GFOD1: variants seen among roughly 807,000 people sequenced by gnomAD.
GFOD1 encodes the protein glucose-fructose oxidoreductase domain-containing protein 1.
In GFOD1, 9 loss-of-function variants were observed where a neutral mutation model predicts 25.4. The observed-to-expected ratio is 0.35, with a 90% CI of 0.21 to 0.62. The LOEUF (loss-of-function observed/expected upper bound fraction) is 0.62, where lower values mean the gene tolerates loss of function less well. GFOD1 is among the 20% of genes least tolerant of loss of function. The probability of loss-of-function intolerance (pLI) is 0.72; values close to 1 mark genes in which losing one functional copy is unlikely to be tolerated. For missense variants in GFOD1, 403 were observed against 556.9 expected (o/e 0.72, Z 2.78); for synonymous variants, 253 against 245.6 (o/e 1.03, Z -0.28).
At chr6:13,391,511 C>CAAAAAAAA (rs57340590) in intron 1 of GFOD1, among the ~76,000 whole-genome samples, 243 of 108,166 alleles carry the variant, frequency 2.2e-3, no homozygotes, top group African/African-American at 3.6e-3. Flanking sequence ...AACAAACAAA[C>CAAAAAAAA]AAAAAAAAAA....
At chr6:13,403,228 T>C (rs495891) in intron 1 of GFOD1, among the ~76,000 whole-genome samples, 143,791 of 151,926 alleles carry the variant, frequency 0.95, 68,576 homozygotes, top group East Asian at 1. Flanking sequence ...TGGGTTCAAG[T>C]GATTCTCCCG....
intron 1 of GFOD1, among the ~76,000 whole-genome samples, chr6:13,372,120 T>C (rs543684160): frequency 6.6e-6 from 1 of 152,342 alleles, no homozygotes; most frequent in East Asian, 1.9e-4. Flanking sequence ...CGAAGCTATC[T>C]GTCTTTAAAA....
intron 1 of GFOD1, among the ~76,000 whole-genome samples, chr6:13,446,097 G>T (rs1051799189): frequency 6.6e-6 from 1 of 152,212 alleles, no homozygotes; most frequent in Non-Finnish European, 1.5e-5. Flanking sequence ...GCTGGAGTCT[G>T]AACCAATTGT....
Position 13,365,685 on chromosome 6 carries a change from G to T in GFOD1, c.254-23C>A, listed in dbSNP as rs113762978. 7.6e-3 allele frequency: 11,670 copies of T among 1,535,162 alleles called. 682 individuals are homozygous for T. The African/African-American group carries it at 0.13, about 17-fold the overall frequency. Reference sequence around the variant, plus strand: ...TGCCTGCGGGTGGGAGGAAGACAGCGGTCAGCGGGGCAGGACCATGTCCGA... The same window carrying T: ...TGCCTGCGGGTGGGAGGAAGACAGCTGTCAGCGGGGCAGGACCATGTCCGA... On this transcript the variant is annotated intron_variant, in intron 1 of 1. Coordinates refer to ENST00000379287, the MANE Select transcript of GFOD1 (RefSeq NM_018988.4). The surrounding 1 kb of genome is among the most constrained non-coding windows in gnomAD (Gnocchi z 9.2).
intron 1 of GFOD1, among the ~76,000 whole-genome samples, chr6:13,392,393 C>T (rs1384261382): frequency 2.7e-5 from 4 of 149,676 alleles, no homozygotes; most frequent in East Asian, 2.0e-4. Context: ...TCTGTTTCCT[C>T]TGGTCAGTGT....
At chr6:13,447,623 A>C (rs138640685) in intron 1 of GFOD1, among the ~76,000 whole-genome samples, 7,135 of 151,154 alleles carry the variant, frequency 0.047, 506 homozygotes, top group African/African-American at 0.16. Flanking sequence ...CACCTGTAAT[A>C]CCAGCTACTT....
intron 1 of GFOD1, among the ~76,000 whole-genome samples, chr6:13,392,946 C>T (rs369006636): frequency 2.0e-4 from 30 of 151,964 alleles, no homozygotes; most frequent in African/African-American, 5.8e-4. Flanking sequence ...CCTGTAACCC[C>T]AGCCACTTGG....
intron 1 of GFOD1, among the ~76,000 whole-genome samples, chr6:13,372,519 T>C (rs1384118107): frequency 1.6e-4 from 25 of 152,164 alleles, no homozygotes; most frequent in Admixed American, 1.5e-3. Context: ...TGCTCCTATC[T>C]CAGGACAGAT....
At chr6:13,377,548 C>G (rs1785278912) in intron 1 of GFOD1, among the ~76,000 whole-genome samples, 1 of 152,166 alleles carries the variant, frequency 6.6e-6, no homozygotes, top group African/African-American at 2.4e-5. Context: ...TTGGATGCTT[C>G]TCATGCTTGG....
chr6:13,392,614 G>C (rs1461171134), intron 1 of GFOD1, among the ~76,000 whole-genome samples: 3 of 152,278 alleles, frequency 2.0e-5, no homozygotes, highest in Admixed American at 6.5e-5. Flanking sequence ...CCCTGATGGA[G>C]AGAGAGCCTG....
At chr6:13,474,805 C>T (rs979478701) in intron 1 of GFOD1, among the ~76,000 whole-genome samples, 2 of 152,204 alleles carry the variant, frequency 1.3e-5, no homozygotes, top group African/African-American at 4.8e-5. Context: ...CTTGGAAATG[C>T]CCCTGGCAGA....
chr6:13,448,596 T>C (rs1758044802), intron 1 of GFOD1, among the ~76,000 whole-genome samples: 2 of 152,144 alleles, frequency 1.3e-5, no homozygotes, highest in Admixed American at 6.6e-5. Flanking sequence ...GAATAGAAAA[T>C]GGAAGTTTCC....
intron 1 of GFOD1, among the ~76,000 whole-genome samples, chr6:13,466,596 A>G (rs959317128): frequency 1.3e-5 from 2 of 152,104 alleles, no homozygotes; most frequent in African/African-American, 4.8e-5. Flanking sequence ...TCCATGATAC[A>G]ATTTCTGACC....
At chr6:13,473,496 A>G (rs1758551564) in intron 1 of GFOD1, among the ~76,000 whole-genome samples, 1 of 152,224 alleles carries the variant, frequency 6.6e-6, no homozygotes, top group Admixed American at 6.5e-5. Flanking sequence ...CTGACCCCAG[A>G]GCTCTGTCAT....
rs1421319342 is a variant in GFOD1 at position 13,470,135 on chromosome 6, T to A, written c.253+16503A>T. 5 of 1,491,168 alleles carry A rather than the reference T, an allele frequency of 3.4e-6. No individual in the cohort carries two copies. The Admixed American group carries it at 5.3e-5, about 16-fold the overall frequency. 92.4% of individuals were successfully genotyped at this position (1,491,168 alleles called of 1,614,324 possible). On this transcript the variant is annotated intron_variant, in intron 1 of 1. Transcript: ENST00000379287. ...AAATACTGCAGTTGGAAAATCCTGT[T>A]GGTGAATGTAGCCAGTGATGTCCCA...
chr6:13,443,741 A>G (rs1257098866), intron 1 of GFOD1, among the ~76,000 whole-genome samples: 2 of 150,618 alleles, frequency 1.3e-5, no homozygotes, highest in Non-Finnish European at 2.9e-5. Context: ...GCTTGGACCC[A>G]GGAGGCAGAG....
At chr6:13,382,023 A>G (rs1365933645) in intron 1 of GFOD1, among the ~76,000 whole-genome samples, 1 of 151,948 alleles carries the variant, frequency 6.6e-6, no homozygotes, top group East Asian at 1.9e-4. Context: ...ATCTCACTGA[A>G]TCCTCCCAAA....
chr6:13,364,655 TC>T lies in GFOD1; in HGVS notation c.*87del. 1 of 1,118,100 alleles carries T rather than the reference TC, an allele frequency of 8.9e-7. No homozygotes were observed. The highest frequency in any genetic ancestry group is 2.4e-5 in the East Asian group (1 of 41,472). The allele number at this position is 1,118,100 out of a possible 1,614,324, so 69.3% of individuals were successfully genotyped here. A position where few individuals can be genotyped will look rare whatever the true frequency, so the allele number is the denominator to read the frequency against. On this transcript the variant is annotated 3_prime_UTR_variant, in exon 2 of 2. Transcript: ENST00000379287. The surrounding 1 kb of genome is among the most constrained non-coding windows in gnomAD (Gnocchi z 4.1). ...CCCTCCACCTCCCTGATCCCCACAT[TC>T]CCCATGGTCACCCTCTCCCCTCGGC...
At chr6:13,420,883 T>C (rs1007526507) in intron 1 of GFOD1, among the ~76,000 whole-genome samples, 20 of 152,166 alleles carry the variant, frequency 1.3e-4, no homozygotes, top group African/African-American at 4.6e-4. Flanking sequence ...GCCCAGTAAT[T>C]GTACATAGAA....
Sources: gnomAD v4.1 joint callset for allele counts (sites outside exome capture counted in the v4.1 genomes callset) on GRCh38, gnomAD v4.1.1 for gene constraint, Gnocchi (gnomAD v3.1) non-coding constraint, MANE v1.5 for transcripts, NCBI Gene and HGNC (gene_info 2026-07-23, HGNC 2026-07-21) for gene names.